Variants in CAMKMT observed in about 807,000 individuals in gnomAD.
CAMKMT encodes CaM KMT.
Under a neutral mutation model 48.0 loss-of-function variants are expected in CAMKMT, and 53 were observed. The observed-to-expected ratio is 1.10, with a 90% CI of 0.89 to 1.39. The LOEUF (loss-of-function observed/expected upper bound fraction) is 1.39, where lower values mean the gene tolerates loss of function less well. Among genes scored for constraint, CAMKMT ranks in the 40% most tolerant of loss-of-function variants. CAMKMT has a pLI of 0.00. For synonymous variants in CAMKMT, 165 were observed against 152.3 expected, an observed-to-expected ratio of 1.08 and a Z score of -0.61; for missense variants, 428 against 402.7, an observed-to-expected ratio of 1.06 and a Z score of -0.54.
chr2:44,499,946 T>A (rs1412453434), intron 3 of CAMKMT, among the ~76,000 whole-genome samples: 1 of 152,210 alleles, frequency 6.6e-6, no homozygotes, highest in African/African-American at 2.4e-5. Context: ...CTTTGTGTAC[T>A]ATGTATTGGA....
intron 3 of CAMKMT, among the ~76,000 whole-genome samples, chr2:44,511,689 A>G (rs1348403167): frequency 6.6e-6 from 1 of 152,114 alleles, no homozygotes; most frequent in African/African-American, 2.4e-5. Context: ...AGGTACTTCA[A>G]CTGAGGGCTG....
At chr2:44,606,190 A>G (rs974596675) in intron 3 of CAMKMT, among the ~76,000 whole-genome samples, 1 of 152,188 alleles carries the variant, frequency 6.6e-6, no homozygotes, top group Non-Finnish European at 1.5e-5. Context: ...TAGCCACTAA[A>G]GTATTAGCCA....
intron 3 of CAMKMT, among the ~76,000 whole-genome samples, chr2:44,402,839 C>G (rs1166814204): frequency 2.6e-5 from 3 of 114,926 alleles, no homozygotes; most frequent in African/African-American, 9.8e-5. Context: ...AGTTCTTTTT[C>G]TCTTTTCTTA....
chr2:44,494,414 C>A (rs1400743363), intron 3 of CAMKMT, among the ~76,000 whole-genome samples: 1 of 151,980 alleles, frequency 6.6e-6, no homozygotes, highest in African/African-American at 2.4e-5. Flanking sequence ...TTTTTTTCCC[C>A]CCTCTTCCCT....
chr2:44,402,094 A>G (rs750823048), intron 3 of CAMKMT, among the ~76,000 whole-genome samples: 33 of 152,304 alleles, frequency 2.2e-4, no homozygotes, highest in Non-Finnish European at 4.0e-4. Context: ...TGGGAGGCCA[A>G]GGCGGGTGGA....
intron 3 of CAMKMT, among the ~76,000 whole-genome samples, chr2:44,583,503 A>C (rs145446480): frequency 6.6e-6 from 1 of 152,214 alleles, no homozygotes; most frequent in Non-Finnish European, 1.5e-5. Flanking sequence ...GCACTTAAAA[A>C]TAAAATGAGG....
intron 3 of CAMKMT, among the ~76,000 whole-genome samples, chr2:44,439,698 C>G (rs1033245900): frequency 4.6e-5 from 7 of 151,738 alleles, no homozygotes; most frequent in African/African-American, 1.7e-4. Flanking sequence ...ATCAGCCGGG[C>G]GTCGTGGCGG....
intron 3 of CAMKMT, among the ~76,000 whole-genome samples, chr2:44,594,125 C>T (rs190847372): frequency 6.6e-6 from 1 of 152,202 alleles, no homozygotes; most frequent in Admixed American, 6.5e-5. Flanking sequence ...AGGACCTCTG[C>T]AAGGAGAACT....
rs569364589 is a variant in CAMKMT at position 44,439,549 on chromosome 2, C to T, written c.376+49244C>T. ...CTGCTGATACTGGATTCAAGAAATG[C>T]CAATATGGGCCGGGCGCAGTGGCTC... On this transcript the variant is annotated intron_variant, in intron 3 of 10. Coordinates refer to ENST00000378494, the MANE Select transcript of CAMKMT (RefSeq NM_024766.5). Among the ~76,000 whole-genome samples, 12 of 152,066 alleles carry T rather than the reference C, an allele frequency of 7.9e-5. No individual in the cohort carries two copies. The South Asian group carries it at 2.5e-3, about 32-fold the overall frequency.
intron 7 of CAMKMT, among the ~76,000 whole-genome samples, chr2:44,729,429 C>T (rs1678964796): frequency 6.6e-5 from 10 of 152,100 alleles, no homozygotes; most frequent in Admixed American, 6.6e-4. Flanking sequence ...GACTGGAGAG[C>T]AAGGTTGATG....
chr2:44,490,577 A>G (rs1037006639), intron 3 of CAMKMT, among the ~76,000 whole-genome samples: 3 of 150,312 alleles, frequency 2.0e-5, no homozygotes, highest in South Asian at 4.2e-4. Context: ...ACCCAGCCTT[A>G]TCGTTTTTCT....
At chr2:44,667,498 C>CT (rs1675063657) in intron 3 of CAMKMT, among the ~76,000 whole-genome samples, 1 of 152,176 alleles carries the variant, frequency 6.6e-6, no homozygotes, top group South Asian at 2.1e-4. Context: ...GTTTAAGACA[C>CT]TCCCTCTTAT....
chr2:44,586,656 C>G lies in CAMKMT; in HGVS notation c.377-117627C>G, dbSNP rs558580241. Among the ~76,000 whole-genome samples the G allele has an allele frequency of 1.4e-4, 21 of 152,122 alleles. No homozygotes were observed. In the South Asian group the frequency reaches 2.5e-3, roughly 18 times the overall value. On this transcript the variant is annotated intron_variant, in intron 3 of 10. Transcript: ENST00000378494. ...TGAGTCTTCCATTCCTTTTTTATTGCTGAGTAGTATTCTGTTGTGTGCAGT... is the reference window on the plus strand; with the variant it reads ...TGAGTCTTCCATTCCTTTTTTATTGGTGAGTAGTATTCTGTTGTGTGCAGT...
intron 7 of CAMKMT, among the ~76,000 whole-genome samples, chr2:44,735,081 C>A (rs1031477733): frequency 6.6e-6 from 1 of 152,092 alleles, no homozygotes; most frequent in Admixed American, 6.6e-5. Flanking sequence ...GCTTCTTGAC[C>A]CTTTAACATT....
At chr2:44,706,215 G>A (rs1677550163) in intron 4 of CAMKMT, 72 bp from the exon 5 acceptor site, 8 of 1,512,410 alleles carry the variant, frequency 5.3e-6, no homozygotes, top group Non-Finnish European at 7.3e-6. Context: ...ATTTGTTCTT[G>A]TAACATATAT....
At chr2:44,635,203 G>T (rs1673055723) in intron 3 of CAMKMT, among the ~76,000 whole-genome samples, 1 of 152,162 alleles carries the variant, frequency 6.6e-6, no homozygotes, top group African/African-American at 2.4e-5. Flanking sequence ...AGTGTGAATG[G>T]AGCATAAGGT....
intron 3 of CAMKMT, among the ~76,000 whole-genome samples, chr2:44,670,075 T>G (rs1675241287): frequency 6.6e-6 from 1 of 152,220 alleles, no homozygotes; most frequent in Non-Finnish European, 1.5e-5. Context: ...TGTCTTTCCC[T>G]TATTGATTTG....
intron 6 of CAMKMT, 78 bp downstream of exon 6, chr2:44,707,540 A>G (rs1677630267): frequency 8.2e-7 from 1 of 1,226,424 alleles, no homozygotes; most frequent in Non-Finnish European, 1.2e-6. Flanking sequence ...ATATAAAGAA[A>G]GACAGCATGG....
intron 3 of CAMKMT, among the ~76,000 whole-genome samples, chr2:44,703,238 C>A (rs1372121221): frequency 6.6e-6 from 1 of 152,024 alleles, no homozygotes; most frequent in East Asian, 1.9e-4. Flanking sequence ...CACTTATAAT[C>A]CTACCATCCT....
Sources: gnomAD v4.1 joint callset for allele counts (sites outside exome capture counted in the v4.1 genomes callset) on GRCh38, gnomAD v4.1.1 for gene constraint, MANE v1.5 for transcripts, NCBI Gene and HGNC (gene_info 2026-07-23, HGNC 2026-07-21) for gene names.